The following FAM131A variants were observed in gnomAD, a reference collection of about 807,000 sequenced individuals.
The protein encoded by FAM131A is protein FAM131A.
In FAM131A, 24 loss-of-function variants were observed where a neutral mutation model predicts 39.2. That is an observed-to-expected ratio of 0.61 (90% CI 0.44 to 0.86). FAM131A has a LOEUF of 0.86. Ranked by LOEUF, FAM131A falls within the 40% of genes least tolerant of loss-of-function variation. FAM131A has a pLI of 0.00. For missense variants in FAM131A, 373 were observed against 481.2 expected, an observed-to-expected ratio of 0.78 and a Z score of 2.10; for synonymous variants, 202 against 206.8, an observed-to-expected ratio of 0.98 and a Z score of 0.20.
At chr3:184,343,078 C>T (rs1275573114) in intron 5 of FAM131A, 1 of 309,936 alleles carries the variant, frequency 3.2e-6, no homozygotes, top group Non-Finnish European at 5.8e-6. Context: ...CCCACAGGTG[C>T]TGAGGCTTCT....
chr3:184,342,438 G>T lies in FAM131A; in HGVS notation c.508+190G>T, dbSNP rs1450241329. ...TTCTCCTGCCTCAGCCTCCCAAGTA[G>T]CTGGGATTACAGTTGCCTGCCACCG... On this transcript the variant is annotated intron_variant, in intron 4 of 5. Transcript: ENST00000383847. The surrounding 1 kb of genome is among the most constrained non-coding windows in gnomAD (Gnocchi z 4.6). Among the ~76,000 whole-genome samples the T allele has an allele frequency of 6.6e-6, 1 of 152,174 alleles. No homozygotes were observed. Among genetic ancestry groups the T allele is most frequent in the Non-Finnish European group, 1.5e-5 (1 of 68,032 alleles).
In FAM131A at chr3:184,341,681, T is replaced by C. The variant is rs747631634; in HGVS notation, c.232-43T>C. 5.8e-6 allele frequency: 9 copies of C among 1,547,872 alleles called. No homozygotes were observed. In the African/African-American group the frequency reaches 1.1e-4, roughly 19 times the overall value. ...TATGGGCATGTTAGGGGGAAGGTCATTGCTGTCAGAGGGGCACTGACTTTC... is the reference window on the plus strand; with the variant it reads ...TATGGGCATGTTAGGGGGAAGGTCACTGCTGTCAGAGGGGCACTGACTTTC... On this transcript the variant is annotated intron_variant, in intron 2 of 5. Transcript: ENST00000383847.
upstream of FAM131A, chr3:184,336,106 G>C (rs1727067444): frequency 6.6e-6 from 1 of 152,312 alleles, no homozygotes; most frequent in African/African-American, 2.4e-5. This position sits in a 1 kb window ranked among gnomAD's most constrained non-coding sequence, Gnocchi z 5.5. Context: ...ATCGGCTCTC[G>C]GAGCCCGGCG....
intron 2 of FAM131A, 195 bp downstream of exon 2, chr3:184,338,724 G>C: frequency 3.3e-6 from 2 of 611,988 alleles, no homozygotes; most frequent in Middle Eastern, 3.8e-4. Context: ...CGGAGAGCTC[G>C]CGCCTTCCGC....
chr3:184,338,449 T>C lies in FAM131A; in HGVS notation c.151T>C (p.Ser51Pro). Residue 51 changes from serine (S) to proline (P), a missense_variant, in exon 2 of 6, where the codon TCT (serine) becomes CCT (proline). Physicochemically the swap from Ser to Pro is moderately conservative, Grantham distance 74 (BLOSUM62 -1). This residue lies in a region of FAM131A where 221 missense variants were observed against 347.7 expected (regional missense o/e 0.64). Coordinates refer to ENST00000383847, the MANE Select transcript of FAM131A (RefSeq NM_144635.5). ...ACTTCCTCGGGGTCTCTCTCTATCC[T>C]CTTTGGGATCTGCTCGAACCCTCCG... is the stretch of plus-strand genomic sequence containing the variant. The part of the protein sequence containing the change: ...IELPRGLSLS[S>P]LGSARTLRGW... 4 of 1,525,688 alleles carry C rather than the reference T, an allele frequency of 2.6e-6. No homozygotes were observed. Among genetic ancestry groups the C allele is most frequent in the East Asian group, 4.9e-5 (2 of 40,706 alleles). The allele number at this position is 1,525,688 out of a possible 1,614,324, so 94.5% of individuals were successfully genotyped here. A position where few individuals can be genotyped will look rare whatever the true frequency, so the allele number is the denominator to read the frequency against.
intron 5 of FAM131A, 185 bp downstream of exon 5, chr3:184,343,045 G>A: frequency 2.6e-6 from 1 of 384,158 alleles, no homozygotes; most frequent in South Asian, 5.5e-5. Context: ...GAAATGAGCA[G>A]ACAGAAATGG....
rs1383445878 is a variant in FAM131A at position 184,344,671 on chromosome 3, C to G, written c.802C>G (p.Pro268Ala). Residue 268 changes from proline (P) to alanine (A), a missense_variant, in exon 6 of 6, where the codon CCG (proline) becomes GCG (alanine). Coordinates refer to ENST00000383847, the MANE Select transcript of FAM131A (RefSeq NM_144635.5). The part of the protein sequence containing the change: ...CSLEDGLLGS[P>A]ARLASQLLGD... Reference sequence around the variant, plus strand: ...CCTGGAGGATGGGTTGTTGGGCTCCCCGGCCCGGCTGGCCTCCCAGCTGCT... The same window carrying G: ...CCTGGAGGATGGGTTGTTGGGCTCCGCGGCCCGGCTGGCCTCCCAGCTGCT... 6.2e-7 allele frequency: 1 copy of G among 1,612,578 alleles called. No individual in the cohort carries two copies. Among genetic ancestry groups the G allele is most frequent in the Middle Eastern group, 1.7e-4 (1 of 6,056 alleles).
chr3:184,345,534 C>A lies in FAM131A; in HGVS notation c.*564C>A, dbSNP rs777268368. On this transcript the variant is annotated 3_prime_UTR_variant, in exon 6 of 6. Coordinates refer to ENST00000383847, the MANE Select transcript of FAM131A (RefSeq NM_144635.5). ...CTCGTGCTGTGCTTCATTCACCTCT[C>A]CATCGTCTCTAAATCTTCCTCTTTT... The A allele has an allele frequency of 7.1e-6, 5 of 703,190 alleles. No homozygotes were observed. The Admixed American group carries it at 1.0e-4, about 14-fold the overall frequency. 43.6% of individuals were successfully genotyped at this position (703,190 alleles called of 1,614,324 possible). A position where few individuals can be genotyped will look rare whatever the true frequency, so the allele number is the denominator to read the frequency against.
At chr3:184,338,552 G>C in intron 2 of FAM131A, 23 bp downstream of exon 2, 5 of 1,535,312 alleles carry the variant, frequency 3.3e-6, no homozygotes, top group Non-Finnish European at 4.4e-6. Context: ...TGGTGGTGGG[G>C]GGAAGGAGGA....
intron 1 of FAM131A, among the ~76,000 whole-genome samples, chr3:184,338,007 C>T (rs1577283364): frequency 6.6e-6 from 1 of 152,132 alleles, no homozygotes; most frequent in African/African-American, 2.4e-5. Flanking sequence ...GGCAACCCTC[C>T]TGCAAAGGGT....
intron 2 of FAM131A, chr3:184,338,997 A>T (rs1298620235): frequency 6.1e-6 from 1 of 164,116 alleles, no homozygotes; most frequent in African/African-American, 2.4e-5. Flanking sequence ...AAGGGGAGGG[A>T]TCGAGGGTGG....
Position 184,344,959 on chromosome 3 carries a change from G to T in FAM131A, c.1090G>T (p.Glu364Ter). The T allele has an allele frequency of 6.4e-7, 1 of 1,558,196 alleles. No individual in the cohort carries two copies. Among genetic ancestry groups the T allele is most frequent in the East Asian group, 2.3e-5 (1 of 42,830 alleles). The change falls in exon 6 of 6, where the codon GAG becomes TAG. Residue 364 changes from glutamate (E) to a stop codon, truncating the protein, a stop_gained. Transcript: ENST00000383847. LOFTEE classifies it high-confidence loss of function. ...CTTAGATGAGGATGAGGCAGAGCCAGAGGAACAGTGACCCACATCATGCCT... is the reference window on the plus strand; with the variant it reads ...CTTAGATGAGGATGAGGCAGAGCCATAGGAACAGTGACCCACATCATGCCT... ...VSLDEDEAEP[E>*]EQ is the part of the protein sequence containing the mutation.
In FAM131A at chr3:184,342,041, CT is replaced by C. The variant is rs750443134; in HGVS notation, c.326-23del. ...CTCCCTGGCCTGGTCCTTTACCAGG[CT>C]TCTCCACCCTCCCCTATCTCCAGGT... On this transcript the variant is annotated intron_variant, in intron 3 of 5. Transcript: ENST00000383847. This position sits in a 1 kb window ranked among gnomAD's most constrained non-coding sequence, Gnocchi z 4.6. The C allele has an allele frequency of 8.7e-5, 141 of 1,614,008 alleles. No individual in the cohort carries two copies. Among genetic ancestry groups the C allele is most frequent in the Non-Finnish European group, 1.2e-4 (136 of 1,179,986 alleles).
At chr3:184,338,556 A>G (rs1247198484) in intron 2 of FAM131A, 27 bp downstream of exon 2, 4 of 1,534,474 alleles carry the variant, frequency 2.6e-6, no homozygotes, top group Non-Finnish European at 3.5e-6. Flanking sequence ...GGTGGGGGGA[A>G]GGAGGACGTC....
At chr3:184,337,822 C>T in intron 1 of FAM131A, 104 bp downstream of exon 1, 1 of 1,145,570 alleles carries the variant, frequency 8.7e-7, no homozygotes, top group Non-Finnish European at 1.2e-6. Context: ...TATTAAGAAC[C>T]AGGCTGAAAC....
At chr3:184,337,113 C>G (rs1240319064), upstream of FAM131A, 1 of 153,800 alleles carries the variant, frequency 6.5e-6, no homozygotes, top group African/African-American at 2.4e-5. Flanking sequence ...AAGTTAACCT[C>G]GTGGCTTTTG....
chr3:184,338,511 C>T lies in FAM131A; in HGVS notation c.213C>T (p.Asp71=). The change falls in exon 2 of 6, where the codon GAC becomes GAT. Residue 71 remains aspartate, a synonymous_variant. Coordinates refer to ENST00000383847, the MANE Select transcript of FAM131A (RefSeq NM_144635.5). ...WSRSSRPSSV[D]SQDLPEVNVG... is the part of the protein sequence containing the mutation. ...GGTCCTCCCGCCCTTCCTCGGTGGA[C>T]AGTCAGGACTTGCCAGAGGTGCTGG... 1 of 1,536,380 alleles carries T rather than the reference C, an allele frequency of 6.5e-7. No homozygotes were observed. The highest frequency in any genetic ancestry group is 8.7e-7 in the Non-Finnish European group (1 of 1,146,592).
At chr3:184,338,296 G>A in intron 1 of FAM131A, 91 bp from the exon 2 acceptor site, 2 of 1,318,502 alleles carry the variant, frequency 1.5e-6, no homozygotes, top group Non-Finnish European at 2.0e-6. Flanking sequence ...GGTGGGGGAG[G>A]GGCCGAGAAA....
intron 2 of FAM131A, chr3:184,341,508 T>C: frequency 1.7e-6 from 1 of 588,934 alleles, no homozygotes; most frequent in Non-Finnish European, 3.0e-6. Context: ...AAGTTTTGCT[T>C]CTCGGGGCCT....
Sources: allele counts gnomAD v4.1 joint callset (sites outside exome capture counted in the v4.1 genomes callset), GRCh38; gene constraint gnomAD v4.1.1; regional missense constraint gnomAD v4.1.1; non-coding constraint Gnocchi (gnomAD v3.1); transcripts MANE v1.5; gene names NCBI Gene and HGNC (gene_info 2026-07-23, HGNC 2026-07-21).